Variants in ZNF385D observed in about 807,000 individuals in gnomAD.
ZNF385D encodes the protein zinc finger protein 659.
A neutral mutation model predicts 35.8 loss-of-function variants in ZNF385D; 15 were observed. That is an observed-to-expected ratio of 0.42 (90% CI 0.28 to 0.64). The LOEUF is 0.64. ZNF385D is among the 30% of genes least tolerant of loss of function. The pLI, the probability that ZNF385D is intolerant of heterozygous loss-of-function variation, is 0.23. For synonymous variants in ZNF385D, 212 were observed against 186.8 expected (o/e 1.13, Z -1.10); for missense variants, 474 against 494.6 (o/e 0.96, Z 0.39).
chr3:21,855,407 G>A (rs1192752294), intron 3 of ZNF385D, among the ~76,000 whole-genome samples: 1 of 151,988 alleles, frequency 6.6e-6, no homozygotes, highest in Non-Finnish European at 1.5e-5. Context: ...ATCTCTTCAT[G>A]GAGATAAGGT....
At chr3:22,003,206 T>C (rs1394269932) in intron 3 of ZNF385D, among the ~76,000 whole-genome samples, 1 of 152,138 alleles carries the variant, frequency 6.6e-6, no homozygotes, top group Non-Finnish European at 1.5e-5. Flanking sequence ...CTCTTAGAAC[T>C]GACAAAAGAA....
intron 3 of ZNF385D, chr3:21,979,729 G>C (rs151070673): frequency 6.6e-6 from 1 of 152,186 alleles, no homozygotes; most frequent in East Asian, 1.9e-4. Flanking sequence ...GGTCTTTGCA[G>C]AAAGATTGGA....
intron 2 of ZNF385D, among the ~76,000 whole-genome samples, chr3:22,314,498 C>T (rs1355055773): frequency 6.6e-6 from 1 of 151,734 alleles, no homozygotes; most frequent in Non-Finnish European, 1.5e-5. Flanking sequence ...ATATTTATGC[C>T]ACAGTTTATT....
At chr3:21,743,155 T>G (rs559104630) in intron 1 of ZNF385D, among the ~76,000 whole-genome samples, 3 of 152,208 alleles carry the variant, frequency 2.0e-5, no homozygotes, top group African/African-American at 7.2e-5. Flanking sequence ...AAGTAGGCCA[T>G]TTTTCCTACT....
chr3:22,329,936 A>G (rs1304464343), intron 2 of ZNF385D, among the ~76,000 whole-genome samples: 4 of 152,190 alleles, frequency 2.6e-5, no homozygotes, highest in Non-Finnish European at 5.9e-5. Context: ...CTACATTTCA[A>G]ATGTTCACTA....
At chr3:22,164,946 T>C (rs1440993716) in intron 3 of ZNF385D, among the ~76,000 whole-genome samples, 2 of 152,192 alleles carry the variant, frequency 1.3e-5, no homozygotes, top group Non-Finnish European at 2.9e-5. Flanking sequence ...ATTCAAACTT[T>C]ATGATATTCT....
chr3:21,437,243 T>C (rs779520168), intron 4 of ZNF385D, 40 bp from the exon 5 acceptor site: 2 of 1,548,598 alleles, frequency 1.3e-6, no homozygotes, highest in African/African-American at 1.4e-5. Flanking sequence ...GGAAAAACAA[T>C]GGTATTATCT....
chr3:21,643,007 G>T (rs2065651205), intron 2 of ZNF385D, among the ~76,000 whole-genome samples: 1 of 152,008 alleles, frequency 6.6e-6, no homozygotes, highest in Non-Finnish European at 1.5e-5. Context: ...ACAGATGGCG[G>T]TGACGAATGC....
At position 21,646,917 on chromosome 3, in the gene ZNF385D, G is replaced by A. The variant is rs1331314379; in HGVS notation, c.165+17969C>T. On this transcript the variant is annotated intron_variant, in intron 2 of 7. Transcript: ENST00000281523. The surrounding 1 kb of genome is among the most constrained non-coding windows in gnomAD (Gnocchi z 4.3). The stretch of plus-strand genomic sequence containing the variant: ...GAAATCAAGGCCAGACAGAATTGAG[G>A]ACCAGTCCAAAGTTATTCTCTACTC... Among the ~76,000 whole-genome samples, 1 of 152,128 alleles carries A rather than the reference G, an allele frequency of 6.6e-6. No homozygotes were observed. The highest frequency in any genetic ancestry group is 1.5e-5 in the Non-Finnish European group (1 of 68,022).
intron 2 of ZNF385D, among the ~76,000 whole-genome samples, chr3:22,240,563 G>A (rs1699438387): frequency 6.6e-6 from 1 of 150,976 alleles, no homozygotes; most frequent in Non-Finnish European, 1.5e-5. Flanking sequence ...ATTACCTTGA[G>A]CCCTGCTTCA....
chr3:22,016,002 T>C (rs549753060), intron 3 of ZNF385D, among the ~76,000 whole-genome samples: 1 of 152,276 alleles, frequency 6.6e-6, no homozygotes, highest in African/African-American at 2.4e-5. Flanking sequence ...GAGTTTCTCC[T>C]ATTGTTAAGA....
At chr3:22,069,177 G>C (rs1700112933) in intron 3 of ZNF385D, among the ~76,000 whole-genome samples, 1 of 152,128 alleles carries the variant, frequency 6.6e-6, no homozygotes, top group Admixed American at 6.6e-5. Flanking sequence ...ATATCTCATT[G>C]GTTAGTACTG....
intron 3 of ZNF385D, among the ~76,000 whole-genome samples, chr3:21,899,625 T>C (rs541475653): frequency 6.6e-6 from 1 of 152,262 alleles, no homozygotes; most frequent in South Asian, 2.1e-4. Flanking sequence ...GTTGTGACAT[T>C]AGACACCTAA....
intron 3 of ZNF385D, among the ~76,000 whole-genome samples, chr3:22,082,728 G>T (rs1477777171): frequency 1.3e-5 from 2 of 152,206 alleles, no homozygotes; most frequent in Admixed American, 6.5e-5. Flanking sequence ...TTTGAGCTCG[G>T]AGAACAAACA....
chr3:21,632,849 G>T (rs557841419), intron 2 of ZNF385D, among the ~76,000 whole-genome samples: 1 of 152,060 alleles, frequency 6.6e-6, no homozygotes, highest in Non-Finnish European at 1.5e-5. Flanking sequence ...GAACTCCTGA[G>T]AAATTATTTT....
chr3:21,702,095 G>A (rs1436968761), intron 1 of ZNF385D, among the ~76,000 whole-genome samples: 2 of 152,158 alleles, frequency 1.3e-5, no homozygotes, highest in East Asian at 1.9e-4. Context: ...ACTCTGTGTG[G>A]GGCTCTGACC....
At chr3:21,446,742 C>T (rs191346824) in intron 4 of ZNF385D, among the ~76,000 whole-genome samples, 6 of 152,142 alleles carry the variant, frequency 3.9e-5, no homozygotes, top group Non-Finnish European at 7.4e-5. Context: ...ATCCGCCCTC[C>T]TCAGCCTCCC....
chr3:22,008,511 C>T (rs955639449), intron 3 of ZNF385D, among the ~76,000 whole-genome samples: 4 of 152,038 alleles, frequency 2.6e-5, no homozygotes, highest in Non-Finnish European at 5.9e-5. Context: ...CGCCCGCCAC[C>T]TCTCCCTGCT....
At chr3:22,174,858 C>T (rs1420700365) in intron 2 of ZNF385D, among the ~76,000 whole-genome samples, 1 of 151,970 alleles carries the variant, frequency 6.6e-6, no homozygotes, top group Non-Finnish European at 1.5e-5. Context: ...ATACAGAACA[C>T]AACAGGTGAC....
Sources: gnomAD v4.1 joint callset for allele counts (sites outside exome capture counted in the v4.1 genomes callset) on GRCh38, gnomAD v4.1.1 for gene constraint, Gnocchi (gnomAD v3.1) non-coding constraint, MANE v1.5 for transcripts, NCBI Gene and HGNC (gene_info 2026-07-23, HGNC 2026-07-21) for gene names.